The following UPP2 variants were observed in gnomAD, a reference collection of about 807,000 sequenced individuals.
UPP2 encodes uridine phosphorylase 2.
A neutral mutation model predicts 26.7 loss-of-function variants in UPP2; 23 were observed. That is an observed-to-expected ratio of 0.86 (90% CI 0.62 to 1.22). UPP2 has a LOEUF of 1.22. Ranked by LOEUF, UPP2 falls within the 50% of genes most tolerant of loss-of-function variation. The pLI, the probability that UPP2 is intolerant of heterozygous loss-of-function variation, is 0.00. For missense variants in UPP2, 387 were observed against 396.7 expected, an observed-to-expected ratio of 0.98 and a Z score of 0.21; for synonymous variants, 127 against 141.3, an observed-to-expected ratio of 0.90 and a Z score of 0.72.
intron 2 of UPP2, among the ~76,000 whole-genome samples, chr2:158,014,366 G>C (rs1683627559): frequency 1.3e-5 from 2 of 152,162 alleles, no homozygotes; most frequent in South Asian, 4.2e-4. Context: ...ATCATTCAGG[G>C]AGCAGTGGGT....
chr2:158,022,097 A>G (rs1334483397), intron 3 of UPP2, among the ~76,000 whole-genome samples: 1 of 152,022 alleles, frequency 6.6e-6, no homozygotes, highest in African/African-American at 2.4e-5. Context: ...AGTATTTCCT[A>G]GATGAGTGGC....
At chr2:158,109,042 A>G (rs1294847935) in intron 2 of UPP2, among the ~76,000 whole-genome samples, 1 of 151,892 alleles carries the variant, frequency 6.6e-6, no homozygotes, top group Non-Finnish European at 1.5e-5. Context: ...ATTCTCATAG[A>G]TGGTTTCCTC....
At chr2:158,117,555 A>G (rs1683466866) in intron 3 of UPP2, among the ~76,000 whole-genome samples, 1 of 151,936 alleles carries the variant, frequency 6.6e-6, no homozygotes, top group Non-Finnish European at 1.5e-5. Context: ...ATACCACACC[A>G]TCCCCACCTT....
At chr2:158,017,858 A>C (rs561581816) in intron 3 of UPP2, among the ~76,000 whole-genome samples, 13 of 152,370 alleles carry the variant, frequency 8.5e-5, no homozygotes, top group Admixed American at 5.2e-4. Context: ...TGAAGCACAA[A>C]CAATTCATTT....
rs1683907884 is a variant in UPP2 at position 158,135,142 on chromosome 2, T to G, written c.*252T>G. 2.9e-6 allele frequency: 1 copy of G among 344,428 alleles called. No individual in the cohort carries two copies. The highest frequency in any genetic ancestry group is 5.1e-6 in the Non-Finnish European group (1 of 197,802). The allele number at this position is 344,428 out of a possible 1,614,324, so 21.3% of individuals were successfully genotyped here. A position where few individuals can be genotyped will look rare whatever the true frequency, so the allele number is the denominator to read the frequency against. ...AATTAAAATTTTAAAACTCCTGGAT[T>G]ATGACATTTGGAGTTTCATATGCAG... On this transcript the variant is annotated 3_prime_UTR_variant, in exon 7 of 7. Transcript: ENST00000005756.
intron 3 of UPP2, among the ~76,000 whole-genome samples, chr2:158,051,176 T>C (rs1675594330): frequency 6.6e-6 from 1 of 150,550 alleles, no homozygotes; most frequent in Non-Finnish European, 1.5e-5. Context: ...TGTGTGTGTG[T>C]GTGTGTGTGT....
chr2:158,031,447 C>T (rs571638037), intron 3 of UPP2, among the ~76,000 whole-genome samples: 1 of 152,288 alleles, frequency 6.6e-6, no homozygotes, highest in East Asian at 1.9e-4. Flanking sequence ...ATTTCATTCT[C>T]TTAATTTGGC....
At chr2:158,099,246 T>G (rs1666989551), upstream of UPP2, among the ~76,000 whole-genome samples, 1 of 152,214 alleles carries the variant, frequency 6.6e-6, no homozygotes, top group African/African-American at 2.4e-5. Flanking sequence ...TATGCTCAGT[T>G]AATATTTATT....
intron 2 of UPP2, among the ~76,000 whole-genome samples, chr2:158,006,287 G>A (rs370144534): frequency 6.6e-6 from 1 of 152,066 alleles, no homozygotes; most frequent in Non-Finnish European, 1.5e-5. Flanking sequence ...GTGAAACCCC[G>A]TGTTATTTAG....
chr2:158,005,199 G>C (rs1683470888), intron 2 of UPP2, among the ~76,000 whole-genome samples: 2 of 152,138 alleles, frequency 1.3e-5, no homozygotes, highest in African/African-American at 2.4e-5. Flanking sequence ...CCCACACTTT[G>C]AGTGATCACT....
chr2:158,106,031 G>C, intron 1 of UPP2, 68 bp from the exon 2 acceptor site: 1 of 1,214,714 alleles, frequency 8.2e-7, no homozygotes, highest in East Asian at 2.5e-5. Context: ...TTTATGTTCA[G>C]ACTTTCTTTC....
At chr2:158,054,385 G>GT (rs71404330) in intron 3 of UPP2, among the ~76,000 whole-genome samples, 93,398 of 138,952 alleles carry the variant, frequency 0.67, 30,397 homozygotes, top group Admixed American at 0.75. Flanking sequence ...TTATTTTGAG[G>GT]TTTTTTTTTT....
intron 4 of UPP2, among the ~76,000 whole-genome samples, chr2:158,119,830 T>C (rs1683524671): frequency 6.6e-6 from 1 of 151,624 alleles, no homozygotes. Flanking sequence ...GCCAATGTGG[T>C]GAAACCCCAT....
chr2:158,063,664 G>C (rs1036158041), intron 3 of UPP2, among the ~76,000 whole-genome samples: 3 of 151,924 alleles, frequency 2.0e-5, no homozygotes, highest in East Asian at 1.9e-4. Context: ...TTGTTACATA[G>C]GTATACATGT....
chr2:158,050,214 C>G (rs1246524689), intron 3 of UPP2, among the ~76,000 whole-genome samples: 2 of 152,152 alleles, frequency 1.3e-5, no homozygotes, highest in Non-Finnish European at 2.9e-5. Context: ...TTTCCATGAG[C>G]ACATTCCCAC....
chr2:158,069,170 T>C (rs780036474), intron 3 of UPP2, among the ~76,000 whole-genome samples: 2 of 151,982 alleles, frequency 1.3e-5, no homozygotes. Flanking sequence ...CAAGGTACAA[T>C]AAGACACATT....
intron 3 of UPP2, among the ~76,000 whole-genome samples, chr2:158,050,429 C>A (rs544462940): frequency 5.9e-4 from 90 of 151,322 alleles, no homozygotes; most frequent in African/African-American, 2.1e-3. Flanking sequence ...TATCCTTATT[C>A]TCTAATAAGG....
intron 3 of UPP2, among the ~76,000 whole-genome samples, chr2:158,029,848 G>T (rs1471148027): frequency 1.4e-5 from 2 of 147,264 alleles, no homozygotes; most frequent in South Asian, 2.1e-4. Context: ...TCCCTGAAAT[G>T]ATTCAATCAC....
chr2:158,056,810 G>A (rs549120189), intron 3 of UPP2, among the ~76,000 whole-genome samples: 1 of 152,272 alleles, frequency 6.6e-6, no homozygotes, highest in South Asian at 2.1e-4. Flanking sequence ...AATTAAGGTG[G>A]TATTCTGAAG....
Sources: gnomAD v4.1 joint callset for allele counts (sites outside exome capture counted in the v4.1 genomes callset) on GRCh38, gnomAD v4.1.1 for gene constraint, MANE v1.5 for transcripts, NCBI Gene and HGNC (gene_info 2026-07-23, HGNC 2026-07-21) for gene names.